Variants in INCENP observed in about 807,000 individuals in gnomAD.
INCENP encodes binds and activates aurora-B and -C in vivo and in vitro.
A neutral mutation model predicts 107.3 loss-of-function variants in INCENP; 43 were observed. The ratio of observed to expected loss-of-function variants is 0.40; its 90% CI spans 0.31 to 0.52. The LOEUF is 0.52. Ranked by LOEUF, INCENP falls within the 20% of genes least tolerant of loss-of-function variation. INCENP has a pLI of 0.53. For missense variants in INCENP, 1,089 were observed against 1,250.9 expected (o/e 0.87, Z 1.95); for synonymous variants, 488 against 494.4 (o/e 0.99, Z 0.17).
At chr11:62,139,123 G>C (rs1223188012) in intron 7 of INCENP, 118 bp downstream of exon 7, 2 of 720,474 alleles carry the variant, frequency 2.8e-6, no homozygotes, top group Non-Finnish European at 4.9e-6. Context: ...GTAGGCTAAA[G>C]AGAAATTAAA....
Position 62,148,024 on chromosome 11 carries a change from C to A in INCENP, c.2205-452C>A, listed in dbSNP as rs549518179. Among the ~76,000 whole-genome samples the A allele has an allele frequency of 4.6e-5, 7 of 152,292 alleles. No homozygotes were observed. In the South Asian group the frequency reaches 1.4e-3, roughly 32 times the overall value. Reference sequence around the variant, plus strand: ...AAACAGGTCCAGAGAGGTTAAATGACATGTTCAAAGTCATGAGCCAGTGTG... The same window carrying A: ...AAACAGGTCCAGAGAGGTTAAATGAAATGTTCAAAGTCATGAGCCAGTGTG... On this transcript the variant is annotated intron_variant, in intron 15 of 18. Coordinates refer to ENST00000394818, the MANE Select transcript of INCENP (RefSeq NM_001040694.2).
rs113781239 is a variant in INCENP, at chr11:62,145,332, G to A, written c.1836+43G>A. On this transcript the variant is annotated intron_variant, in intron 13 of 18. Transcript: ENST00000394818. ...GGAGGCCCAGGCAATTCAGGACTTG[G>A]GCCAAGGGTTAGGACTGGACCCCTC... The A allele has an allele frequency of 2.5e-5, 41 of 1,612,208 alleles. No homozygotes were observed. In the Admixed American group the frequency reaches 5.4e-4, roughly 21 times the overall value.
chr11:62,148,419 C>T (rs1944301438), intron 15 of INCENP, 57 bp from the exon 16 acceptor site: 3 of 1,512,142 alleles, frequency 2.0e-6, no homozygotes, highest in East Asian at 2.4e-5. Context: ...GGGATGGGAA[C>T]AGGGCTTGGG....
At chr11:62,140,419 T>A in intron 8 of INCENP, 134 bp downstream of exon 8, 1 of 847,338 alleles carries the variant, frequency 1.2e-6, no homozygotes. Context: ...CCTGGTGTTG[T>A]GACTTAACCA....
intron 17 of INCENP, among the ~76,000 whole-genome samples, chr11:62,149,104 C>T (rs752308487): frequency 1.3e-5 from 2 of 152,132 alleles, no homozygotes; most frequent in Non-Finnish European, 2.9e-5. Context: ...CTCTACTAAG[C>T]GCGTTGTATA....
chr11:62,129,247 C>T lies in INCENP; in HGVS notation c.254+364C>T, dbSNP rs144227954. ...TGCCTTGTCCCAGCCGTCATATTGT[C>T]ATGCTTGTTTTAGTCCCCCTCAGGA... On this transcript the variant is annotated intron_variant, in intron 3 of 18. Transcript: ENST00000394818. 4.5e-3 allele frequency among the ~76,000 whole-genome samples: 686 copies of T among 152,292 alleles called. 3 individuals carry two copies. Among genetic ancestry groups the T allele is most frequent in the African/African-American group, 0.016 (644 of 41,542 alleles).
At position 62,152,964 on chromosome 11, in the gene INCENP, A is replaced by G. The variant is rs919776289; in HGVS notation, c.*988A>G. 2 of 152,250 alleles carry G rather than the reference A, an allele frequency of 1.3e-5. No homozygotes were observed. Among genetic ancestry groups the G allele is most frequent in the Non-Finnish European group, 2.9e-5 (2 of 68,042 alleles). 9.4% of individuals were successfully genotyped at this position (152,250 alleles called of 1,614,324 possible). On this transcript the variant is annotated 3_prime_UTR_variant, in exon 19 of 19. Transcript: ENST00000394818. ...TGGCCTGTGGGCCAAATCCAGCCAC[A>G]GTCGGTTCTTTAAAGTTTTATCGAA...
chr11:62,146,964 C>T, intron 15 of INCENP, 62 bp downstream of exon 15: 2 of 1,581,726 alleles, frequency 1.3e-6, no homozygotes, highest in South Asian at 2.3e-5. Context: ...ACGGTGTGAA[C>T]CTTGCCTGGA....
Position 62,151,790 on chromosome 11 carries a change from C to T in INCENP, c.2571C>T (p.His857=). The T allele has an allele frequency of 6.2e-7, 1 of 1,614,122 alleles. No homozygotes were observed. Among genetic ancestry groups the T allele is most frequent in the Middle Eastern group, 1.6e-4 (1 of 6,062 alleles). ...RGTPLSQAII[H]QYYHPPNLLE... Reference sequence around the variant, plus strand: ...CCCCGCTCAGCCAGGCTATCATTCACCAGTACTACCACCCACCGAACCTTC... The same window carrying T: ...CCCCGCTCAGCCAGGCTATCATTCATCAGTACTACCACCCACCGAACCTTC... Residue 857 remains histidine (H), a synonymous_variant, in exon 19 of 19, where the codon CAC becomes CAT. Coordinates refer to ENST00000394818, the MANE Select transcript of INCENP (RefSeq NM_001040694.2).
Position 62,130,443 on chromosome 11 carries a change from A to T in INCENP, c.916A>T (p.Ser306Cys). The change falls in exon 4 of 19, where the codon AGC (serine) becomes TGC (cysteine). Residue 306 changes from serine (S) to cysteine (C), a missense_variant. By Grantham distance (112) the Ser-to-Cys change is moderately radical (BLOSUM62 -1). Transcript: ENST00000394818. ...CACGGACTCTCAATCGGTGCGGCACAGCCCGATCGCCCCGTCTTCCCCGAG... is the reference window on the plus strand; with the variant it reads ...CACGGACTCTCAATCGGTGCGGCACTGCCCGATCGCCCCGTCTTCCCCGAG... The part of the protein sequence containing the change: ...SRTDSQSVRH[S>C]PIAPSSPSPQ... The T allele has an allele frequency of 6.2e-7, 1 of 1,613,986 alleles. No individual in the cohort carries two copies. The highest frequency in any genetic ancestry group is 8.5e-7 in the Non-Finnish European group (1 of 1,180,026).
At chr11:62,136,712 CT>C (rs567588873) in intron 4 of INCENP, among the ~76,000 whole-genome samples, 60 of 152,020 alleles carry the variant, frequency 3.9e-4, no homozygotes, top group Admixed American at 1.7e-3. Context: ...CTTTTTACAC[CT>C]TCATCAAGGA....
chr11:62,139,392 G>A (rs3781974), intron 7 of INCENP, among the ~76,000 whole-genome samples: 42,327 of 152,104 alleles, frequency 0.28, 6,130 homozygotes, highest in South Asian at 0.41. Context: ...GCTCCTTTCT[G>A]ACCTTTGTAT....
intron 11 of INCENP, 47 bp downstream of exon 11, chr11:62,141,558 C>T: frequency 1.2e-6 from 2 of 1,612,006 alleles, no homozygotes; most frequent in Non-Finnish European, 1.7e-6. Context: ...ACCTAGCACT[C>T]ACCCGCTGTA....
At position 62,130,705 on chromosome 11, in the gene INCENP, A is replaced by T. The variant is rs1291125413; in HGVS notation, c.1063+115A>T. 3.4e-6 allele frequency: 3 copies of T among 892,596 alleles called. No individual in the cohort carries two copies. The Admixed American group carries it at 8.1e-5, about 24-fold the overall frequency. The allele number at this position is 892,596 out of a possible 1,614,324, so 55.3% of individuals were successfully genotyped here. A position where few individuals can be genotyped will look rare whatever the true frequency, so the allele number is the denominator to read the frequency against. On this transcript the variant is annotated intron_variant, in intron 4 of 18. Coordinates refer to ENST00000394818, the MANE Select transcript of INCENP (RefSeq NM_001040694.2). ...CAGAGAGCTTTCTGCAGTGAGGTAG[A>T]TGTTACACATCTGTGCTGTCCTGGG...
At chr11:62,130,995 C>T (rs889460470) in intron 4 of INCENP, among the ~76,000 whole-genome samples, 1 of 152,166 alleles carries the variant, frequency 6.6e-6, no homozygotes, top group Non-Finnish European at 1.5e-5. Context: ...GCCTCTTCCG[C>T]AGGGCCAGCT....
At chr11:62,146,388 T>C (rs933585894) in intron 14 of INCENP, among the ~76,000 whole-genome samples, 3 of 152,260 alleles carry the variant, frequency 2.0e-5, no homozygotes, top group African/African-American at 7.2e-5. Context: ...AGGGTTTAAA[T>C]GCTTGCCCGT....
At position 62,138,869 on chromosome 11, in the gene INCENP, G is replaced by A. The variant is rs190518536; in HGVS notation, c.1174-19G>A. On this transcript the variant is annotated intron_variant, in intron 6 of 18. Coordinates refer to ENST00000394818, the MANE Select transcript of INCENP (RefSeq NM_001040694.2). Reference sequence around the variant, plus strand: ...TGGGTTCCAGGTCAAGACCCCTAAAGCCTTGGTTCTTTCCACAGGTCCCTG... The same window carrying A: ...TGGGTTCCAGGTCAAGACCCCTAAAACCTTGGTTCTTTCCACAGGTCCCTG... 4.7e-3 allele frequency: 7,583 copies of A among 1,607,952 alleles called. 25 individuals are homozygous for A. The highest frequency in any genetic ancestry group is 6.1e-3 in the Non-Finnish European group (7,117 of 1,174,350).
rs1207945168 is a variant in INCENP, at chr11:62,150,185, G to T, written c.2520G>T (p.Lys840Asn). The T allele has an allele frequency of 1.9e-6, 3 of 1,614,032 alleles. No homozygotes were observed. The African/African-American group carries it at 4.0e-5, about 22-fold the overall frequency. ...CCGATGATGAGGCCCATCCCCGGAA[G>T]CCCATCCCCACCTGGGCCCGAGGTA... ...DSTDDEAHPR[K>N]PIPTWARGTP... The change falls in exon 18 of 19, where the codon AAG becomes AAT. Residue 840 changes from lysine (K) to asparagine (N), a missense_variant. By Grantham distance (94) the Lys-to-Asn change is moderately conservative (BLOSUM62 0). Transcript: ENST00000394818.
chr11:62,145,149 G>T lies in INCENP; in HGVS notation c.1716-20G>T. The T allele has an allele frequency of 6.2e-7, 1 of 1,614,134 alleles. No homozygotes were observed. Among genetic ancestry groups the T allele is most frequent in the South Asian group, 1.1e-5 (1 of 91,080 alleles). On this transcript the variant is annotated intron_variant, in intron 12 of 18. Coordinates refer to ENST00000394818, the MANE Select transcript of INCENP (RefSeq NM_001040694.2). ...TCCCAGCCTTGGTGGGGCTCCCCAT[G>T]ACTATCCTATGCCCCGCAGGAAGCG...
Sources: allele counts gnomAD v4.1 joint callset (sites outside exome capture counted in the v4.1 genomes callset), GRCh38; gene constraint gnomAD v4.1.1; transcripts MANE v1.5; gene names NCBI Gene and HGNC (gene_info 2026-07-23, HGNC 2026-07-21).